The following SPAG16 variants were observed in gnomAD, a reference collection of about 807,000 sequenced individuals.
The protein encoded by SPAG16 is sperm-associated antigen 16 protein.
In SPAG16, 86 loss-of-function variants were observed where a neutral mutation model predicts 80.4. That is an observed-to-expected ratio of 1.07 (90% CI 0.90 to 1.28). The LOEUF (loss-of-function observed/expected upper bound fraction) is 1.28. SPAG16 is among the 50% of genes most tolerant of loss of function. The pLI is 0.00. For missense variants in SPAG16, 870 were observed against 765.3 expected (o/e 1.14, Z -1.61); for synonymous variants, 294 against 265.9 (o/e 1.11, Z -1.03).
At chr2:213,658,815 G>A (rs2063316120) in intron 10 of SPAG16, among the ~76,000 whole-genome samples, 1 of 152,156 alleles carries the variant, frequency 6.6e-6, no homozygotes, top group Non-Finnish European at 1.5e-5. Context: ...AAGGTGGGCG[G>A]ATCACGAAGT....
chr2:213,850,869 T>G (rs1485280792), intron 10 of SPAG16, among the ~76,000 whole-genome samples: 2 of 152,130 alleles, frequency 1.3e-5, no homozygotes, highest in African/African-American at 4.8e-5. Context: ...ATGTAAATCT[T>G]TATATTTTTA....
chr2:213,623,147 A>G (rs566648443), intron 10 of SPAG16, among the ~76,000 whole-genome samples: 3 of 152,326 alleles, frequency 2.0e-5, no homozygotes, highest in Non-Finnish European at 4.4e-5. Flanking sequence ...GTTGCCATGT[A>G]AAGCTAAATG....
intron 12 of SPAG16, among the ~76,000 whole-genome samples, chr2:213,932,205 G>A (rs1387295710): frequency 8.3e-6 from 1 of 121,164 alleles, no homozygotes; most frequent in South Asian, 2.4e-4. Context: ...TATATTTGTT[G>A]TTGTTGTTGT....
At position 213,785,767 on chromosome 2, in the gene SPAG16, A is replaced by G. The variant is rs953952183; in HGVS notation, c.1071-76718A>G. 5.9e-5 allele frequency among the ~76,000 whole-genome samples: 9 copies of G among 152,160 alleles called. No individual in the cohort carries two copies. The South Asian group carries it at 1.7e-3, about 28-fold the overall frequency. On this transcript the variant is annotated intron_variant, in intron 10 of 15. Coordinates refer to ENST00000331683, the MANE Select transcript of SPAG16 (RefSeq NM_024532.5). ...CGCAGTGGCTCACACCTGTAATCCC[A>G]GCACTTTGGGAGGCCGAGGCGGGAG...
At chr2:213,468,592 G>GAT (rs1214352874) in intron 9 of SPAG16, among the ~76,000 whole-genome samples, 4 of 129,986 alleles carry the variant, frequency 3.1e-5, no homozygotes, top group Non-Finnish European at 6.1e-5. Flanking sequence ...TATATATAGA[G>GAT]ATATATATAT....
At chr2:213,394,281 A>AT (rs1401723265) in intron 9 of SPAG16, among the ~76,000 whole-genome samples, 7 of 152,266 alleles carry the variant, frequency 4.6e-5, no homozygotes, top group Middle Eastern at 3.4e-3. Context: ...AAATCAAGAA[A>AT]TTAACATTGA....
At chr2:214,090,169 G>A (rs1398422654) in intron 13 of SPAG16, among the ~76,000 whole-genome samples, 1 of 151,882 alleles carries the variant, frequency 6.6e-6, no homozygotes, top group African/African-American at 2.4e-5. Flanking sequence ...TGTGATGATG[G>A]TGATAAAGGA....
At chr2:214,116,870 C>T (rs73987180) in intron 14 of SPAG16, among the ~76,000 whole-genome samples, 4,911 of 152,180 alleles carry the variant, frequency 0.032, 248 homozygotes, top group African/African-American at 0.11. Context: ...CTCTGGAAGA[C>T]GCTCTGAAAA....
chr2:213,494,802 C>T (rs140740528), intron 10 of SPAG16, among the ~76,000 whole-genome samples: 6 of 152,280 alleles, frequency 3.9e-5, no homozygotes, highest in Non-Finnish European at 7.4e-5. Flanking sequence ...CATGCTCTCC[C>T]ACTCTCCCTT....
intron 15 of SPAG16, among the ~76,000 whole-genome samples, chr2:214,166,602 T>A (rs933491026): frequency 5.9e-5 from 9 of 152,188 alleles, no homozygotes; most frequent in Non-Finnish European, 1.2e-4. Flanking sequence ...AATTTATTCC[T>A]CTATCTTTAC....
chr2:213,858,358 GTCAGCAGCCA>G (rs1291013735), intron 10 of SPAG16, among the ~76,000 whole-genome samples: 1 of 152,084 alleles, frequency 6.6e-6, no homozygotes, highest in Admixed American at 6.5e-5. Context: ...ACTCTGATTG[GTCAGCAGCCA>G]TCAACATCAA....
chr2:213,905,036 C>A (rs903932523), intron 11 of SPAG16, among the ~76,000 whole-genome samples: 4 of 152,060 alleles, frequency 2.6e-5, no homozygotes, highest in African/African-American at 9.7e-5. Context: ...GAATGAAGAC[C>A]AGTCTGGAAG....
intron 13 of SPAG16, among the ~76,000 whole-genome samples, chr2:214,040,576 G>A (rs1028774141): frequency 6.6e-6 from 1 of 152,134 alleles, no homozygotes; most frequent in Non-Finnish European, 1.5e-5. Flanking sequence ...TACTAACTAA[G>A]GATAATGGCC....
intron 13 of SPAG16, among the ~76,000 whole-genome samples, chr2:214,054,922 C>A (rs942973871): frequency 1.3e-5 from 2 of 152,154 alleles, no homozygotes; most frequent in East Asian, 1.9e-4. Flanking sequence ...TGGAGATTTG[C>A]TGAGACCCAT....
intron 14 of SPAG16, among the ~76,000 whole-genome samples, chr2:214,147,713 T>C (rs2055732172): frequency 6.6e-6 from 1 of 152,206 alleles, no homozygotes. Flanking sequence ...TCCATGTTCC[T>C]TTTAAGTCAT....
chr2:214,287,492 G>A (rs1326183492), intron 15 of SPAG16, among the ~76,000 whole-genome samples: 1 of 152,212 alleles, frequency 6.6e-6, no homozygotes, highest in African/African-American at 2.4e-5. Flanking sequence ...TCTAAGAGTG[G>A]AATTTTCTTG....
intron 10 of SPAG16, among the ~76,000 whole-genome samples, chr2:213,535,431 C>T (rs2076209882): frequency 6.6e-6 from 1 of 152,072 alleles, no homozygotes; most frequent in Non-Finnish European, 1.5e-5. Flanking sequence ...AGACGGAAAT[C>T]ATGTCTGAGT....
intron 8 of SPAG16, among the ~76,000 whole-genome samples, chr2:213,370,197 A>T (rs2066554357): frequency 1.3e-5 from 2 of 152,288 alleles, no homozygotes; most frequent in East Asian, 3.9e-4. Flanking sequence ...CTTTTTAACC[A>T]CCAGTGAATG....
chr2:213,550,620 C>T (rs1014510081), intron 10 of SPAG16, among the ~76,000 whole-genome samples: 1 of 152,080 alleles, frequency 6.6e-6, no homozygotes, highest in Non-Finnish European at 1.5e-5. Flanking sequence ...TTGCCATTTT[C>T]ATCATATCAG....
Sources: allele counts gnomAD v4.1 joint callset (sites outside exome capture counted in the v4.1 genomes callset), GRCh38; gene constraint gnomAD v4.1.1; transcripts MANE v1.5; gene names NCBI Gene and HGNC (gene_info 2026-07-23, HGNC 2026-07-21).